Variants in EXOC6B observed in about 807,000 individuals in gnomAD.
The protein encoded by EXOC6B is exocyst complex component 6B.
A neutral mutation model predicts 113.5 loss-of-function variants in EXOC6B; 54 were observed. That is an observed-to-expected ratio of 0.48 (90% confidence interval 0.38 to 0.60). EXOC6B has a LOEUF of 0.60. EXOC6B is among the 20% of genes least tolerant of loss of function. The probability of loss-of-function intolerance (pLI) is 0.00; values close to 1 mark genes in which losing one functional copy is unlikely to be tolerated. For missense variants in EXOC6B, 797 were observed against 977.5 expected, an observed-to-expected ratio of 0.82 and a Z score of 2.46; for synonymous variants, 357 against 339.0, an observed-to-expected ratio of 1.05 and a Z score of -0.58.
intron 1 of EXOC6B, among the ~76,000 whole-genome samples, chr2:72,797,990 T>C (rs1050564451): frequency 6.6e-6 from 1 of 152,182 alleles, no homozygotes; most frequent in African/African-American, 2.4e-5. Context: ...AAGAAAAATA[T>C]ATCTGACATT....
At chr2:72,530,046 T>G (rs538790717) in intron 8 of EXOC6B, among the ~76,000 whole-genome samples, 1 of 152,250 alleles carries the variant, frequency 6.6e-6, no homozygotes, top group East Asian at 1.9e-4. Flanking sequence ...ATGTTGGAGG[T>G]CTGTCCATTT....
At chr2:72,731,859 G>T (rs1190041116) in intron 3 of EXOC6B, among the ~76,000 whole-genome samples, 2 of 152,096 alleles carry the variant, frequency 1.3e-5, no homozygotes, top group Non-Finnish European at 2.9e-5. Flanking sequence ...AATCTTAAAG[G>T]TTATTAAAAT....
At chr2:72,208,080 A>T (rs964301229) in intron 20 of EXOC6B, among the ~76,000 whole-genome samples, 8 of 152,194 alleles carry the variant, frequency 5.3e-5, no homozygotes, top group Admixed American at 2.6e-4. Context: ...TCATCTTTTT[A>T]AAAAAAATTT....
chr2:72,708,781 C>CT (rs1226971148), intron 6 of EXOC6B, among the ~76,000 whole-genome samples: 1 of 151,946 alleles, frequency 6.6e-6, no homozygotes, highest in East Asian at 1.9e-4. Flanking sequence ...CCAGGCTGGA[C>CT]TACACTGCTG....
chr2:72,785,002 A>G (rs1206133942), intron 1 of EXOC6B, among the ~76,000 whole-genome samples: 3 of 152,228 alleles, frequency 2.0e-5, no homozygotes, highest in Non-Finnish European at 2.9e-5. Context: ...GGATACAGGT[A>G]TTGGGTAAAT....
intron 6 of EXOC6B, among the ~76,000 whole-genome samples, chr2:72,662,727 A>C (rs1216290197): frequency 6.6e-6 from 1 of 151,940 alleles, no homozygotes; most frequent in Admixed American, 6.6e-5. Flanking sequence ...TGGCCCAGCC[A>C]TTCTGAAAAA....
At chr2:72,655,189 A>G (rs1233240980) in intron 6 of EXOC6B, among the ~76,000 whole-genome samples, 1 of 152,176 alleles carries the variant, frequency 6.6e-6, no homozygotes, top group Non-Finnish European at 1.5e-5. Flanking sequence ...TTAAAATGCT[A>G]GAAGAAGTTT....
At chr2:72,603,711 C>G (rs1670576420) in intron 6 of EXOC6B, among the ~76,000 whole-genome samples, 1 of 152,136 alleles carries the variant, frequency 6.6e-6, no homozygotes, top group Non-Finnish European at 1.5e-5. Flanking sequence ...TTGCTTCCCA[C>G]TGGTAAGTGC....
At chr2:72,407,370 C>G (rs1693849798) in intron 18 of EXOC6B, among the ~76,000 whole-genome samples, 2 of 152,186 alleles carry the variant, frequency 1.3e-5, no homozygotes, top group South Asian at 4.1e-4. Flanking sequence ...TTTGATGAGG[C>G]CAGCATCATC....
chr2:72,184,323 C>T, intron 20 of EXOC6B, 136 bp from the exon 21 acceptor site: 2 of 552,064 alleles, frequency 3.6e-6, no homozygotes, highest in South Asian at 2.7e-5. Flanking sequence ...AGAAAAAGAA[C>T]AGCTGCAGAC....
At chr2:72,312,668 T>C (rs903843607) in intron 20 of EXOC6B, among the ~76,000 whole-genome samples, 2 of 151,674 alleles carry the variant, frequency 1.3e-5, no homozygotes, top group Admixed American at 1.3e-4. Flanking sequence ...GGCAGGAGAA[T>C]CGCTTGAACC....
intron 6 of EXOC6B, among the ~76,000 whole-genome samples, chr2:72,656,268 T>A (rs1210867361): frequency 6.6e-6 from 1 of 152,054 alleles, no homozygotes; most frequent in African/African-American, 2.4e-5. Flanking sequence ...TTCAAATTAG[T>A]AGGAAAAAGT....
At chr2:72,528,354 T>C (rs1342751014) in intron 8 of EXOC6B, among the ~76,000 whole-genome samples, 2 of 152,120 alleles carry the variant, frequency 1.3e-5, no homozygotes, top group Non-Finnish European at 2.9e-5. Flanking sequence ...CTAATATTTT[T>C]GTGAATCTAT....
chr2:72,606,557 T>A (rs1203978997), intron 6 of EXOC6B, among the ~76,000 whole-genome samples: 1 of 151,956 alleles, frequency 6.6e-6, no homozygotes, highest in African/African-American at 2.4e-5. Context: ...AGTAAGACCC[T>A]TTCTCTACAA....
At chr2:72,511,395 A>T (rs1700885990) in intron 11 of EXOC6B, among the ~76,000 whole-genome samples, 1 of 152,068 alleles carries the variant, frequency 6.6e-6, no homozygotes, top group African/African-American at 2.4e-5. Flanking sequence ...TTTTCCTTTT[A>T]CCTCTTATAT....
chr2:72,415,736 G>T (rs1161310399), intron 18 of EXOC6B, among the ~76,000 whole-genome samples: 1 of 152,098 alleles, frequency 6.6e-6, no homozygotes, highest in Non-Finnish European at 1.5e-5. Flanking sequence ...ACTATGCATT[G>T]ACCTCATCAC....
intron 6 of EXOC6B, among the ~76,000 whole-genome samples, chr2:72,576,161 C>T (rs970522592): frequency 3.3e-5 from 5 of 152,020 alleles, no homozygotes; most frequent in Admixed American, 2.6e-4. Context: ...CTGTTAAAAA[C>T]AGTTATGTGG....
chr2:72,311,105 T>C (rs1413976176), intron 20 of EXOC6B, among the ~76,000 whole-genome samples: 2 of 152,238 alleles, frequency 1.3e-5, no homozygotes, highest in East Asian at 3.8e-4. Context: ...AGAGAGGGAA[T>C]ATATGTTGTA....
intron 21 of EXOC6B, among the ~76,000 whole-genome samples, chr2:72,181,193 A>C (rs1210365605): frequency 2.0e-5 from 3 of 146,474 alleles, no homozygotes; most frequent in African/African-American, 8.0e-5. Context: ...TGGGTGGCAG[A>C]GCGAGACTCC....
Sources: allele counts gnomAD v4.1 joint callset (sites outside exome capture counted in the v4.1 genomes callset), GRCh38; gene constraint gnomAD v4.1.1; transcripts MANE v1.5; gene names NCBI Gene and HGNC (gene_info 2026-07-23, HGNC 2026-07-21).